CNTN4: variants seen among roughly 807,000 people sequenced by gnomAD.
The protein encoded by CNTN4 is contactin 4.
In CNTN4, 77 loss-of-function variants were observed where a neutral mutation model predicts 122.5. That is an observed-to-expected ratio of 0.63 (90% CI 0.52 to 0.76). The LOEUF (loss-of-function observed/expected upper bound fraction) is 0.76, where lower values mean the gene tolerates loss of function less well. Among genes scored for constraint, CNTN4 ranks in the 30% least tolerant of loss-of-function variants. CNTN4 has a pLI of 0.00. For synonymous variants in CNTN4, 512 were observed against 447.0 expected (o/e 1.15, Z -1.83); for missense variants, 1,256 against 1,259.1 (o/e 1.00, Z 0.04).
At chr3:2,501,790 C>T (rs1418097437) in intron 3 of CNTN4, among the ~76,000 whole-genome samples, 1 of 152,074 alleles carries the variant, frequency 6.6e-6, no homozygotes, top group African/African-American at 2.4e-5. Context: ...ACAGGCGGAG[C>T]ATTCCCAAAT....
chr3:2,864,603 G>A (rs570305281), intron 7 of CNTN4, among the ~76,000 whole-genome samples: 118 of 151,824 alleles, frequency 7.8e-4, no homozygotes, highest in African/African-American at 2.7e-3. Context: ...GCCAAGCGTC[G>A]TGGTGGGCAC....
At chr3:2,962,220 G>A (rs997419224) in intron 13 of CNTN4, among the ~76,000 whole-genome samples, 1 of 152,082 alleles carries the variant, frequency 6.6e-6, no homozygotes, top group Non-Finnish European at 1.5e-5. Flanking sequence ...TGCCCCTTAG[G>A]GAATTTTTAT....
chr3:2,653,471 A>C (rs1051873835), intron 4 of CNTN4, among the ~76,000 whole-genome samples: 3 of 152,216 alleles, frequency 2.0e-5, no homozygotes, highest in Admixed American at 1.3e-4. Flanking sequence ...ACATTCAGAA[A>C]GGAGAAATAA....
intron 4 of CNTN4, among the ~76,000 whole-genome samples, chr3:2,610,747 CTA>C (rs1262767004): frequency 6.6e-6 from 1 of 152,062 alleles, no homozygotes; most frequent in Non-Finnish European, 1.5e-5. Context: ...AATTTAAAAA[CTA>C]TAAACATACA....
intron 4 of CNTN4, among the ~76,000 whole-genome samples, chr3:2,621,695 A>G (rs1450696408): frequency 1.3e-5 from 2 of 152,286 alleles, no homozygotes; most frequent in African/African-American, 4.8e-5. Context: ...GAGTGACTTA[A>G]TGAACCCCAT....
At chr3:2,895,615 T>G (rs1051711192) in intron 10 of CNTN4, among the ~76,000 whole-genome samples, 7 of 152,220 alleles carry the variant, frequency 4.6e-5, no homozygotes, top group Admixed American at 2.6e-4. Flanking sequence ...TTGTAACTTA[T>G]GTGGAGATGA....
chr3:2,135,065 C>T (rs1159845461), intron 2 of CNTN4, among the ~76,000 whole-genome samples: 1 of 152,132 alleles, frequency 6.6e-6, no homozygotes, highest in Non-Finnish European at 1.5e-5. Context: ...TCAGTAGTAT[C>T]AAGGCTGGGA....
At position 2,921,125 on chromosome 3, in the gene CNTN4, ACTC is replaced by A. The variant is rs552580237; in HGVS notation, c.1208-4501_1208-4499del. Among the ~76,000 whole-genome samples, 312 of 152,178 alleles carry A rather than the reference ACTC, an allele frequency of 2.1e-3. 1 individual carries two copies. The highest frequency in any genetic ancestry group is 3.9e-3 in the Non-Finnish European group (268 of 67,992). ...TGAGCCTAGCTCACTGCAGCCTTGA[ACTC>A]CTGAGTTCAAGTGATCTTCTCACCT... On this transcript the variant is annotated intron_variant, in intron 12 of 24. Transcript: ENST00000418658.
intron 4 of CNTN4, among the ~76,000 whole-genome samples, chr3:2,620,379 A>G (rs1267112134): frequency 6.6e-6 from 1 of 152,136 alleles, no homozygotes; most frequent in African/African-American, 2.4e-5. Context: ...ATGTGCCTGT[A>G]GTCCCAGCTA....
At chr3:2,208,414 C>T (rs940709642) in intron 2 of CNTN4, among the ~76,000 whole-genome samples, 1 of 152,060 alleles carries the variant, frequency 6.6e-6, no homozygotes, top group African/African-American at 2.4e-5. Context: ...TTGTTGCAAT[C>T]TCATGATAAA....
chr3:2,238,423 A>T (rs1039416199), intron 2 of CNTN4, among the ~76,000 whole-genome samples: 18 of 151,944 alleles, frequency 1.2e-4, no homozygotes, highest in African/African-American at 4.3e-4. Context: ...CAATAAAATG[A>T]ATAATAGAAA....
At chr3:2,263,056 G>A (rs1458149916) in intron 2 of CNTN4, among the ~76,000 whole-genome samples, 2 of 151,976 alleles carry the variant, frequency 1.3e-5, no homozygotes, top group East Asian at 3.9e-4. Flanking sequence ...TTAGTCAGAG[G>A]GCCATGTGTG....
chr3:3,035,515 C>T (rs1032581769), intron 17 of CNTN4, among the ~76,000 whole-genome samples: 3 of 152,146 alleles, frequency 2.0e-5, no homozygotes, highest in Admixed American at 1.3e-4. Flanking sequence ...TTACACAGTG[C>T]TCTCAAAAAC....
intron 3 of CNTN4, among the ~76,000 whole-genome samples, chr3:2,524,459 T>C (rs2077329423): frequency 1.3e-5 from 2 of 152,122 alleles, no homozygotes; most frequent in Non-Finnish European, 2.9e-5. Flanking sequence ...CTGGAATCGT[T>C]TTTGTGTGGA....
In CNTN4 at chr3:2,385,699, G is replaced by A. The variant is rs964822740; in HGVS notation, c.-89+46466G>A. Among the ~76,000 whole-genome samples, 1 of 151,996 alleles carries A rather than the reference G, an allele frequency of 6.6e-6. No homozygotes were observed. Among genetic ancestry groups the A allele is most frequent in the African/African-American group, 2.4e-5 (1 of 41,410 alleles). On this transcript the variant is annotated intron_variant, in intron 3 of 24. Transcript: ENST00000418658. This position sits in a 1 kb window ranked among gnomAD's most constrained non-coding sequence, Gnocchi z 4.0. ...TCCATCTTCACATGCTGCATTCCCTGTATGCCTGTGTGTTCAAATTTTTTC... is the reference window on the plus strand; with the variant it reads ...TCCATCTTCACATGCTGCATTCCCTATATGCCTGTGTGTTCAAATTTTTTC...
At chr3:2,382,899 C>A (rs2046080943) in intron 3 of CNTN4, among the ~76,000 whole-genome samples, 1 of 151,776 alleles carries the variant, frequency 6.6e-6, no homozygotes, top group African/African-American at 2.4e-5. Context: ...CATGGTGAAA[C>A]CCCCATCTCT....
At chr3:2,149,967 C>CT (rs11397937) in intron 2 of CNTN4, among the ~76,000 whole-genome samples, 73,710 of 143,008 alleles carry the variant, frequency 0.52, 18,747 homozygotes, top group Admixed American at 0.6. Context: ...GTGGGCATAG[C>CT]TTTTTTTTTT....
chr3:2,367,817 C>CT lies in CNTN4; in HGVS notation c.-89+28592dup, dbSNP rs199623100. ...AACACAGGGAGAGAATCCATTGAAA[C>CT]TTTTTTTTCTCTGTAACCCCTAACA... On this transcript the variant is annotated intron_variant, in intron 3 of 24. Coordinates refer to ENST00000418658, the MANE Select transcript of CNTN4 (RefSeq NM_175607.3). Among the ~76,000 whole-genome samples the CT allele has an allele frequency of 9.8e-4, 149 of 151,884 alleles. 1 individual carries two copies. Among genetic ancestry groups the CT allele is most frequent in the African/African-American group, 3.2e-3 (134 of 41,394 alleles).
At chr3:2,846,610 T>C (rs1559574066) in intron 7 of CNTN4, among the ~76,000 whole-genome samples, 3 of 152,326 alleles carry the variant, frequency 2.0e-5, no homozygotes, top group Non-Finnish European at 4.4e-5. Flanking sequence ...TAAACCAGTA[T>C]TCAGTGGCAC....
Sources: allele counts gnomAD v4.1 joint callset (sites outside exome capture counted in the v4.1 genomes callset), GRCh38; gene constraint gnomAD v4.1.1; non-coding constraint Gnocchi (gnomAD v3.1); transcripts MANE v1.5; gene names NCBI Gene and HGNC (gene_info 2026-07-23, HGNC 2026-07-21).